LRRTM4: variants seen among roughly 807,000 people sequenced by gnomAD.
LRRTM4 encodes leucine rich repeat transmembrane neuronal 4, also known as leucine-rich repeat transmembrane neuronal protein 4.
Under a neutral mutation model 47.6 loss-of-function variants are expected in LRRTM4, and 25 were observed. That is an observed-to-expected ratio of 0.53 (90% CI 0.38 to 0.73). The LOEUF (loss-of-function observed/expected upper bound fraction) is 0.73. Ranked by LOEUF, LRRTM4 falls within the 30% of genes least tolerant of loss-of-function variation. The pLI, the probability that LRRTM4 is intolerant of heterozygous loss-of-function variation, is 0.00. For synonymous variants in LRRTM4, 311 were observed against 269.5 expected (o/e 1.15, Z -1.51); for missense variants, 638 against 713.4 (o/e 0.89, Z 1.20).
intron 3 of LRRTM4, among the ~76,000 whole-genome samples, chr2:77,404,044 CATTTAACACAACTACT>C (rs1197723546): frequency 6.6e-6 from 1 of 151,820 alleles, no homozygotes; most frequent in African/African-American, 2.4e-5. Context: ...TCCATCTTGA[CATTTAACACAACTACT>C]TTCGAGTCAT....
chr2:77,410,776 C>G (rs1573376975), intron 3 of LRRTM4, among the ~76,000 whole-genome samples: 2 of 152,154 alleles, frequency 1.3e-5, no homozygotes, highest in African/African-American at 4.8e-5. Flanking sequence ...ATCCTAAGCT[C>G]TAAAACTGAC....
chr2:77,296,127 C>T (rs1173290875), intron 3 of LRRTM4, among the ~76,000 whole-genome samples: 2 of 152,062 alleles, frequency 1.3e-5, no homozygotes, highest in Non-Finnish European at 2.9e-5. Context: ...TTTCTTAAGC[C>T]TTTAAACTTG....
chr2:76,966,661 A>G (rs1270807103), intron 3 of LRRTM4, among the ~76,000 whole-genome samples: 1 of 151,532 alleles, frequency 6.6e-6, no homozygotes, highest in Non-Finnish European at 1.5e-5. Flanking sequence ...TCACTTCTTC[A>G]TCTTATTAGA....
chr2:77,431,225 C>G (rs923514884), intron 3 of LRRTM4, among the ~76,000 whole-genome samples: 1 of 148,824 alleles, frequency 6.7e-6, no homozygotes, highest in African/African-American at 2.6e-5. Context: ...TCTATAGAAC[C>G]CTGACTAATA....
At chr2:76,908,234 G>T (rs1231524756) in intron 3 of LRRTM4, among the ~76,000 whole-genome samples, 1 of 151,664 alleles carries the variant, frequency 6.6e-6, no homozygotes, top group Non-Finnish European at 1.5e-5. Context: ...CAGAACCAAA[G>T]ACAAAAACCA....
In LRRTM4 at chr2:77,329,570, G is replaced by T. The variant is rs904303361; in HGVS notation, c.1551+188748C>A. On this transcript the variant is annotated intron_variant, in intron 3 of 3. Coordinates refer to ENST00000409884, the MANE Select transcript of LRRTM4 (RefSeq NM_001134745.3). ...TAAGAAAAAAATAAATCTGGGGAAG[G>T]CTCCCTGCACTCCCTTTGCACAGAG... Among the ~76,000 whole-genome samples, 12 of 152,208 alleles carry T rather than the reference G, an allele frequency of 7.9e-5. No individual in the cohort carries two copies. The South Asian group carries it at 1.2e-3, about 16-fold the overall frequency.
intron 3 of LRRTM4, among the ~76,000 whole-genome samples, chr2:77,351,222 C>G (rs1477283195): frequency 6.6e-6 from 1 of 151,790 alleles, no homozygotes; most frequent in Non-Finnish European, 1.5e-5. Flanking sequence ...ACCGCCAACT[C>G]CTTTTACTGG....
At chr2:77,081,394 G>T (rs937665549) in intron 3 of LRRTM4, among the ~76,000 whole-genome samples, 1 of 151,246 alleles carries the variant, frequency 6.6e-6, no homozygotes, top group South Asian at 2.1e-4. Context: ...AAATGTAAAA[G>T]GTGTTCACAT....
chr2:77,057,634 T>G (rs1679652422), intron 3 of LRRTM4, among the ~76,000 whole-genome samples: 1 of 152,192 alleles, frequency 6.6e-6, no homozygotes, highest in Admixed American at 6.5e-5. Flanking sequence ...AGCTGCACAT[T>G]AGAACCACCT....
chr2:76,881,941 C>G (rs1672943121), intron 3 of LRRTM4, among the ~76,000 whole-genome samples: 1 of 151,792 alleles, frequency 6.6e-6, no homozygotes, highest in Admixed American at 6.6e-5. Flanking sequence ...AATCTCTTTA[C>G]TTAACTTCCT....
chr2:77,127,559 T>G (rs778852504), intron 3 of LRRTM4, among the ~76,000 whole-genome samples: 17 of 152,146 alleles, frequency 1.1e-4, no homozygotes, highest in Non-Finnish European at 2.2e-4. Context: ...ACATTTGAGA[T>G]TAGAAATGAC....
intron 3 of LRRTM4, among the ~76,000 whole-genome samples, chr2:77,327,412 T>A (rs436974): frequency 0.38 from 57,448 of 151,898 alleles, 13,079 homozygotes; most frequent in African/African-American, 0.63. Flanking sequence ...CAGGGTGATT[T>A]GTAGCCTATC....
intron 3 of LRRTM4, among the ~76,000 whole-genome samples, chr2:77,071,921 C>T (rs1680167101): frequency 6.6e-6 from 1 of 152,130 alleles, no homozygotes. Flanking sequence ...CAGGCCACAT[C>T]GGGCTAGTGG....
At chr2:77,463,135 C>T (rs551003885) in intron 3 of LRRTM4, among the ~76,000 whole-genome samples, 1 of 152,124 alleles carries the variant, frequency 6.6e-6, no homozygotes, top group Admixed American at 6.6e-5. Flanking sequence ...TAACCTACTA[C>T]ACACCTAGGC....
intron 3 of LRRTM4, among the ~76,000 whole-genome samples, chr2:76,891,344 G>A (rs1050092548): frequency 6.6e-6 from 1 of 151,650 alleles, no homozygotes; most frequent in Non-Finnish European, 1.5e-5. Context: ...AAATAATATA[G>A]GGAATTTCAA....
At chr2:77,084,674 A>C (rs760708356) in intron 3 of LRRTM4, among the ~76,000 whole-genome samples, 1 of 152,166 alleles carries the variant, frequency 6.6e-6, no homozygotes, top group African/African-American at 2.4e-5. Flanking sequence ...TTTTCAAGTT[A>C]TTTAACCTCT....
intron 3 of LRRTM4, chr2:77,517,415 C>A: frequency 4.1e-6 from 4 of 984,744 alleles, no homozygotes; most frequent in South Asian, 4.7e-5. Flanking sequence ...CATATCATTT[C>A]TTTTGGGGAT....
intron 3 of LRRTM4, among the ~76,000 whole-genome samples, chr2:77,249,712 C>T (rs1293179529): frequency 6.6e-6 from 1 of 152,116 alleles, no homozygotes; most frequent in African/African-American, 2.4e-5. Context: ...TCAATTATTG[C>T]TGGTGGGAAT....
chr2:76,843,056 T>G (rs1671734511), intron 3 of LRRTM4, among the ~76,000 whole-genome samples: 1 of 152,244 alleles, frequency 6.6e-6, no homozygotes, highest in African/African-American at 2.4e-5. Context: ...CGGCTCTTTT[T>G]GTAAATCAAT....
Sources: allele counts gnomAD v4.1 joint callset (sites outside exome capture counted in the v4.1 genomes callset), GRCh38; gene constraint gnomAD v4.1.1; transcripts MANE v1.5; gene names NCBI Gene and HGNC (gene_info 2026-07-23, HGNC 2026-07-21).